The following KRABD1 variants were observed in gnomAD, a reference collection of about 807,000 sequenced individuals.
KRABD1 encodes KRAB domain containing 1.
chr3:42,937,112 C>G, the KRABD1 span: 4 of 152,132 alleles, frequency 2.6e-5, no homozygotes, highest in African/African-American at 7.2e-5. Context: ...TTGGAGATGT[C>G]GAAAGATTTC....
the KRABD1 span, chr3:42,938,222 G>A: frequency 1.3e-5 from 2 of 152,148 alleles, no homozygotes; most frequent in Admixed American, 6.5e-5. Context: ...ATATGGTAAT[G>A]TTTTCTTTCT....
At chr3:42,939,449 A>C in the KRABD1 span, among the ~76,000 whole-genome samples, 1 of 152,152 alleles carries the variant, frequency 6.6e-6, no homozygotes, top group Non-Finnish European at 1.5e-5. Flanking sequence ...TGATAATAGC[A>C]CATTTTATTC....
At chr3:42,942,632 CAGG>C in the KRABD1 span, 1 of 1,378,180 alleles carries the variant, frequency 7.3e-7, no homozygotes, top group Non-Finnish European at 9.7e-7. Context: ...GCTGGGAAGA[CAGG>C]AGAAAAGCTT....
the KRABD1 span, among the ~76,000 whole-genome samples, chr3:42,939,523 A>G: frequency 1.3e-5 from 2 of 152,120 alleles, no homozygotes; most frequent in African/African-American, 2.4e-5. Flanking sequence ...GAATGCAGTG[A>G]ACATTCTTAT....
the KRABD1 span, chr3:42,941,414 T>C: frequency 9.5e-6 from 14 of 1,467,396 alleles, no homozygotes; most frequent in African/African-American, 1.8e-4. Flanking sequence ...CTTTTATAAT[T>C]ATTAGCTGAC....
At chr3:42,942,543 T>G in the KRABD1 span, 1 of 1,211,426 alleles carries the variant, frequency 8.3e-7, no homozygotes, top group Non-Finnish European at 1.1e-6. Context: ...TCTAGGATAC[T>G]TGGAACTAAG....
chr3:42,937,564 A>C, the KRABD1 span: 1 of 152,260 alleles, frequency 6.6e-6, no homozygotes, highest in Non-Finnish European at 1.5e-5. Context: ...CTATTTACTT[A>C]GTATGAATCA....
chr3:42,942,595 T>G, the KRABD1 span: 1 of 1,449,392 alleles, frequency 6.9e-7, no homozygotes, highest in Non-Finnish European at 9.1e-7. Context: ...CGTAGAATAG[T>G]ATCAAAAATT....
chr3:42,937,224 A>G, the KRABD1 span: 2 of 152,194 alleles, frequency 1.3e-5, no homozygotes, highest in Non-Finnish European at 2.9e-5. Context: ...ATAACATTCG[A>G]TGTCCCTGCC....
the KRABD1 span, chr3:42,937,081 CAT>C: frequency 6.6e-6 from 1 of 152,188 alleles, no homozygotes; most frequent in Admixed American, 6.5e-5. Flanking sequence ...CAGTGTTTAA[CAT>C]AGTTTCCTAT....
chr3:42,938,851 A>G, the KRABD1 span: 2 of 1,434,278 alleles, frequency 1.4e-6, no homozygotes, highest in Admixed American at 4.1e-5. Flanking sequence ...TACCTTCAGC[A>G]CCTGAGACTT....
At chr3:42,941,509 G>A in the KRABD1 span, among the ~76,000 whole-genome samples, 1 of 152,104 alleles carries the variant, frequency 6.6e-6, no homozygotes, top group Non-Finnish European at 1.5e-5. Context: ...TTTTTCTAGC[G>A]TAAAAGCTAC....
At chr3:42,942,157 C>A in the KRABD1 span, 1 of 936,398 alleles carries the variant, frequency 1.1e-6, no homozygotes, top group Admixed American at 2.0e-5. Context: ...GTTCTCTGTG[C>A]CCAGCATCAT....
At chr3:42,940,583 A>G in the KRABD1 span, among the ~76,000 whole-genome samples, 1 of 152,178 alleles carries the variant, frequency 6.6e-6, no homozygotes, top group South Asian at 2.1e-4. Context: ...CTTGAAATAG[A>G]CACCTTTTTA....
At chr3:42,941,409 A>G in the KRABD1 span, 3 of 1,488,960 alleles carry the variant, frequency 2.0e-6, no homozygotes, top group Admixed American at 4.3e-5. Flanking sequence ...GGGCTCTTTT[A>G]TAATTATTAG....
the KRABD1 span, chr3:42,937,680 A>G: frequency 6.6e-6 from 1 of 152,210 alleles, no homozygotes; most frequent in African/African-American, 2.4e-5. Context: ...CTTTACACTC[A>G]TAAATATTTC....
Sources: gnomAD v4.1 joint callset for allele counts (sites outside exome capture counted in the v4.1 genomes callset) on GRCh38, gnomAD v4.1.1 for gene constraint, MANE v1.5 for transcripts, NCBI Gene and HGNC (gene_info 2026-07-23, HGNC 2026-07-21) for gene names.